Variants in UTP14A observed in about 807,000 individuals in gnomAD.
The protein encoded by UTP14A is UTP14A small subunit processome component.
A neutral mutation model predicts 57.2 loss-of-function variants in UTP14A; 5 were observed. That is an observed-to-expected ratio of 0.09 (90% CI 0.05 to 0.18). UTP14A has a LOEUF of 0.18. Among genes scored for constraint, UTP14A ranks in the 10% least tolerant of loss-of-function variants. The probability of loss-of-function intolerance (pLI) is 1.00; values close to 1 mark genes in which losing one functional copy is unlikely to be tolerated. For synonymous variants in UTP14A, 169 were observed against 210.9 expected (o/e 0.80, Z 1.72); for missense variants, 430 against 562.1 (o/e 0.76, Z 2.38).
Position 129,910,883 on chromosome X carries a change from A to G in UTP14A, c.239-125A>G. Reference sequence around the variant, plus strand: ...GCTAGAAATAGGCAATTGAAGTAAGAGAATTATTCTTGCTTCTCTGCACAT... The same window carrying G: ...GCTAGAAATAGGCAATTGAAGTAAGGGAATTATTCTTGCTTCTCTGCACAT... On this transcript the variant is annotated intron_variant, in intron 4 of 14. Transcript: ENST00000394422. 4 of 882,530 alleles carry G rather than the reference A, an allele frequency of 4.5e-6. No individual in the cohort carries two copies. In the South Asian group the frequency reaches 8.3e-5, roughly 18 times the overall value. 72.7% of individuals were successfully genotyped at this position (882,530 alleles called of 1,213,427 possible). A position where few individuals can be genotyped will look rare whatever the true frequency, so the allele number is the denominator to read the frequency against.
rs901914675 is a variant in UTP14A at position 129,915,352 on chromosome X, C to T, written c.537+3431C>T. On this transcript the variant is annotated intron_variant, in intron 6 of 14. Transcript: ENST00000394422. ...CATCCTGGCTAACACGGTGAAACCC[C>T]GTCTCTACTAAAAATATAAAAAATT... is the stretch of plus-strand genomic sequence containing the variant. Among the ~76,000 whole-genome samples the T allele has an allele frequency of 6.3e-5, 7 of 110,797 alleles. No homozygotes were observed. In the South Asian group the frequency reaches 1.1e-3, roughly 18 times the overall value.
chrX:129,928,493 C>T lies in UTP14A; in HGVS notation c.2044-843C>T, dbSNP rs776449167. On this transcript the variant is annotated intron_variant, in intron 14 of 14. Transcript: ENST00000394422. ...AATCCTGGCCAGGCGCGGTGGCTCA[C>T]GCCTGTAATCCCAGCACTTTGGGAG... Among the ~76,000 whole-genome samples the T allele has an allele frequency of 1.7e-3, 184 of 109,613 alleles. 1 individual carries two copies. The highest frequency in any genetic ancestry group is 9.5e-3 in the Middle Eastern group (2 of 210).
intron 4 of UTP14A, among the ~76,000 whole-genome samples, chrX:129,909,295 C>T (rs924295635): frequency 9.4e-6 from 1 of 106,809 alleles, no homozygotes; most frequent in East Asian, 2.9e-4. Flanking sequence ...CTGCAAACTC[C>T]GCCTCCCAGG....
intron 6 of UTP14A, among the ~76,000 whole-genome samples, chrX:129,914,622 G>A (rs988182992): frequency 9.0e-6 from 1 of 111,288 alleles, no homozygotes; most frequent in African/African-American, 3.3e-5. Flanking sequence ...TCGAAAGTCT[G>A]TACTATAGTT....
chrX:129,911,732 G>C (rs1929477462), intron 5 of UTP14A, 34 bp from the exon 6 acceptor site: 1 of 1,200,443 alleles, frequency 8.3e-7, no homozygotes, highest in African/African-American at 1.8e-5. Flanking sequence ...TTAATCTTGT[G>C]GCTCTTTCCG....
intron 6 of UTP14A, among the ~76,000 whole-genome samples, chrX:129,914,012 A>G (rs1198208968): frequency 9.0e-6 from 1 of 111,228 alleles, no homozygotes; most frequent in Non-Finnish European, 1.9e-5. Flanking sequence ...AAAAAATAAA[A>G]ACTAGATGGT....
chrX:129,917,322 C>T (rs1929727835), intron 6 of UTP14A, among the ~76,000 whole-genome samples: 1 of 112,093 alleles, frequency 8.9e-6, no homozygotes, highest in Non-Finnish European at 1.9e-5. Context: ...TCAATAGCAT[C>T]GTGTAACATG....
intron 11 of UTP14A, chrX:129,923,183 A>G (rs768709103): frequency 8.9e-6 from 1 of 112,717 alleles, no homozygotes; most frequent in African/African-American, 3.2e-5. Context: ...AAGGAGCTAC[A>G]ATGGCTTCAT....
In UTP14A at chrX:129,911,796, G is replaced by A. The variant is rs150155910; in HGVS notation, c.412G>A (p.Ala138Thr). 2.6e-5 allele frequency: 32 copies of A among 1,208,916 alleles called. No homozygotes were observed. The highest frequency in any genetic ancestry group is 3.5e-5 in the South Asian group (2 of 56,712). ...CAGAGAAGTAGCATTCAATAAAACC[G>A]CACAAGTCCTCTCCAAATGGGACCC... ...IHREVAFNKT[A>T]QVLSKWDPVV... Residue 138 changes from alanine (A) to threonine (T), a missense_variant, in exon 6 of 15, where the codon GCA becomes ACA. Ala to Thr is a moderately conservative substitution (Grantham distance 58, BLOSUM62 0). This residue lies in a region of UTP14A where 145 missense variants were observed against 153.5 expected (regional missense o/e 0.94). Coordinates refer to ENST00000394422, the MANE Select transcript of UTP14A (RefSeq NM_006649.4).
At chrX:129,925,539 G>A (rs1244066702) in intron 12 of UTP14A, among the ~76,000 whole-genome samples, 1 of 111,503 alleles carries the variant, frequency 9.0e-6, no homozygotes, top group Non-Finnish European at 1.9e-5. Flanking sequence ...GATCTCAGAT[G>A]GTCTAAGACT....
intron 14 of UTP14A, among the ~76,000 whole-genome samples, chrX:129,928,392 A>G (rs1204474533): frequency 1.2e-4 from 12 of 99,621 alleles, no homozygotes; most frequent in Non-Finnish European, 2.2e-4. Flanking sequence ...CTCAAAAAAA[A>G]AAAAAAAAAA....
At chrX:129,910,705 T>C (rs1929434093) in intron 4 of UTP14A, among the ~76,000 whole-genome samples, 1 of 112,028 alleles carries the variant, frequency 8.9e-6, no homozygotes, top group Non-Finnish European at 1.9e-5. Flanking sequence ...TGGCTGTTTT[T>C]ATTTTTGGCT....
chrX:129,919,496 A>G lies in UTP14A; in HGVS notation c.752+7A>G, dbSNP rs775632976. On this transcript the variant is annotated splice_region_variant and intron_variant, in intron 8 of 14. Transcript: ENST00000394422. ...AGAAAATCAAAAGTAAAAAGTAAGGAGGCCCCTGTGAACTGGCCTTGGGTT... is the reference window on the plus strand; with the variant it reads ...AGAAAATCAAAAGTAAAAAGTAAGGGGGCCCCTGTGAACTGGCCTTGGGTT... 8.3e-7 allele frequency: 1 copy of G among 1,209,944 alleles called. No individual in the cohort carries two copies. The highest frequency in any genetic ancestry group is 1.8e-5 in the South Asian group (1 of 56,807).
rs757341003 is a variant in UTP14A, at chrX:129,921,370, C to T, written c.1131C>T (p.Leu377=). Residue 377 remains leucine (L), a synonymous_variant, in exon 11 of 15, where the codon CTC becomes CTT. Coordinates refer to ENST00000394422, the MANE Select transcript of UTP14A (RefSeq NM_006649.4). ...MNADGPNPWM[L]RSCTSDTKEA... ...CAGATGGGCCGAATCCCTGGATGCT[C>T]AGGAGCTGCACCAGTGACACCAAAG... 19 of 1,209,875 alleles carry T rather than the reference C, an allele frequency of 1.6e-5. No homozygotes were observed. Among genetic ancestry groups the T allele is most frequent in the Non-Finnish European group, 2.0e-5 (18 of 895,267 alleles).
chrX:129,907,133 A>C (rs1295565965), intron 1 of UTP14A, among the ~76,000 whole-genome samples: 1 of 110,272 alleles, frequency 9.1e-6, no homozygotes, highest in Non-Finnish European at 1.9e-5. Flanking sequence ...TCTAAATTTC[A>C]CATCTTGACA....
chrX:129,920,044 C>G (rs1435758937), intron 8 of UTP14A, among the ~76,000 whole-genome samples: 1 of 111,602 alleles, frequency 9.0e-6, no homozygotes, highest in African/African-American at 3.3e-5. Context: ...CAAAAATTAG[C>G]CAGGCATGGT....
intron 6 of UTP14A, among the ~76,000 whole-genome samples, chrX:129,913,851 T>A (rs1490792323): frequency 9.0e-6 from 1 of 111,012 alleles, no homozygotes; most frequent in Non-Finnish European, 1.9e-5. Flanking sequence ...CATGGTGGTG[T>A]GTGCCTGTAA....
chrX:129,915,788 C>T (rs1022689028), intron 6 of UTP14A, among the ~76,000 whole-genome samples: 2 of 109,666 alleles, frequency 1.8e-5, no homozygotes, highest in African/African-American at 6.7e-5. Flanking sequence ...GAGGGGCCTC[C>T]GAATTGCCAA....
chrX:129,925,869 T>C, intron 12 of UTP14A, 50 bp from the exon 13 acceptor site: 2 of 1,191,020 alleles, frequency 1.7e-6, no homozygotes, highest in Admixed American at 2.3e-5. Context: ...GTTCTCGCCA[T>C]GAACCACAGC....
Sources: gnomAD v4.1 joint callset for allele counts (sites outside exome capture counted in the v4.1 genomes callset) on GRCh38, gnomAD v4.1.1 for gene constraint, gnomAD v4.1.1 regional missense constraint, MANE v1.5 for transcripts, NCBI Gene and HGNC (gene_info 2026-07-23, HGNC 2026-07-21) for gene names.